SERPINA12: variants seen among roughly 807,000 people sequenced by gnomAD.
SERPINA12 encodes the protein serpin A12.
In SERPINA12, 21 loss-of-function variants were observed where a neutral mutation model predicts 25.9. The ratio of observed to expected loss-of-function variants is 0.81; its 90% CI spans 0.58 to 1.17. The LOEUF (loss-of-function observed/expected upper bound fraction) is 1.17. Among genes scored for constraint, SERPINA12 ranks in the 50% most tolerant of loss-of-function variants. The probability of loss-of-function intolerance (pLI) is 0.00; values close to 1 mark genes in which losing one functional copy is unlikely to be tolerated. For missense variants in SERPINA12, 562 were observed against 508.3 expected (o/e 1.11, Z -1.02); for synonymous variants, 220 against 196.0 (o/e 1.12, Z -1.02).
intron 1 of SERPINA12, among the ~76,000 whole-genome samples, chr14:94,498,716 C>T (rs1900581672): frequency 6.6e-6 from 1 of 152,172 alleles, no homozygotes; most frequent in South Asian, 2.1e-4. Flanking sequence ...CTCCTTCCCT[C>T]CATTGGACCA....
At chr14:94,513,705 C>T (rs748933867), upstream of SERPINA12, among the ~76,000 whole-genome samples, 4 of 152,196 alleles carry the variant, frequency 2.6e-5, no homozygotes, top group Non-Finnish European at 4.4e-5. Flanking sequence ...CTTTCATTTT[C>T]CTCCACTCTG....
Position 94,489,742 on chromosome 14 carries a change from GTCTGGGTACAGA to G in SERPINA12, c.919_930del (p.Ser307_Arg310del). 3 of 1,614,192 alleles carry G rather than the reference GTCTGGGTACAGA, an allele frequency of 1.9e-6. No homozygotes were observed. The highest frequency in any genetic ancestry group is 2.5e-6 in the Non-Finnish European group (3 of 1,180,014). On this transcript the variant is annotated inframe_deletion, in exon 4 of 5. Coordinates refer to ENST00000677451, the MANE Select transcript of SERPINA12 (RefSeq NM_001382267.1). ...AGGTCGAAGGTGCCCGTCATGTGGA[GTCTGGGTACAGA>G]CACGTCTACGACCCTGGGGAATTGA...
intron 1 of SERPINA12, among the ~76,000 whole-genome samples, chr14:94,507,507 A>G (rs1394933149): frequency 6.6e-6 from 1 of 152,218 alleles, no homozygotes; most frequent in Admixed American, 6.5e-5. Context: ...ATCGACTGAA[A>G]AAAGACAACA....
Position 94,487,481 on chromosome 14 carries a change from G to T in SERPINA12, c.1067C>A (p.Ala356Asp), listed in dbSNP as rs142812237. Reference sequence around the variant, plus strand: ...ACCCCTCTCATCCATCTTCAGCTCAGCCTTGTGCACAGCCTACGGAAGCCA... The same window carrying T: ...ACCCCTCTCATCCATCTTCAGCTCATCCTTGTGCACAGCCTACGGAAGCCA... ...SLKVGEAVHKAELKMDERGTE... is the reference protein window; with the variant it reads ...SLKVGEAVHKDELKMDERGTE... Residue 356 changes from alanine to aspartate, a missense_variant, in exon 5 of 5, where the codon GCT becomes GAT. By Grantham distance (126) the Ala-to-Asp change is moderately radical (BLOSUM62 -2). Transcript: ENST00000677451. 188 of 1,612,582 alleles carry T rather than the reference G, an allele frequency of 1.2e-4. No individual in the cohort carries two copies. Among genetic ancestry groups the T allele is most frequent in the Non-Finnish European group, 2.5e-5 (30 of 1,179,424 alleles).
intron 1 of SERPINA12, chr14:94,504,253 G>A (rs947117423): frequency 6.6e-6 from 1 of 152,232 alleles, no homozygotes; most frequent in African/African-American, 2.4e-5. Flanking sequence ...ATGGGCAGGT[G>A]ATGGAGGCTT....
At chr14:94,505,336 A>G (rs1346106074) in intron 1 of SERPINA12, among the ~76,000 whole-genome samples, 1 of 152,220 alleles carries the variant, frequency 6.6e-6, no homozygotes, top group African/African-American at 2.4e-5. Flanking sequence ...GAACAAGGAC[A>G]TGGGGATATG....
intron 2 of SERPINA12, among the ~76,000 whole-genome samples, chr14:94,514,723 G>T (rs753081408): frequency 6.6e-6 from 1 of 152,202 alleles, no homozygotes; most frequent in African/African-American, 2.4e-5. Context: ...GAAGTGCAGG[G>T]CCAGGGAATT....
At chr14:94,501,062 G>T in intron 1 of SERPINA12, 1 of 985,348 alleles carries the variant, frequency 1.0e-6, no homozygotes. Flanking sequence ...ATGAACAAGG[G>T]CTCTATGGGC....
At chr14:94,495,064 CTTTTTTTTTTTT>C (rs71129685) in intron 3 of SERPINA12, among the ~76,000 whole-genome samples, 1 of 98,224 alleles carries the variant, frequency 1.0e-5, no homozygotes, top group African/African-American at 3.6e-5. Context: ...ATTTCCCTTT[CTTTTTTTTTTTT>C]TTTTTTTTTT....
chr14:94,506,096 T>C (rs1900922334), intron 1 of SERPINA12, among the ~76,000 whole-genome samples: 1 of 152,198 alleles, frequency 6.6e-6, no homozygotes, highest in African/African-American at 2.4e-5. Flanking sequence ...GATTTGTGCC[T>C]GGTGTTCATC....
chr14:94,517,485 G>T, exon 1 of SERPINA12: 1 of 152,336 alleles, frequency 6.6e-6, no homozygotes, highest in Non-Finnish European at 1.5e-5. Flanking sequence ...CAGAGGGAGT[G>T]ATACTGATCA....
At chr14:94,493,682 A>C (rs1218800496) in intron 3 of SERPINA12, among the ~76,000 whole-genome samples, 1 of 152,156 alleles carries the variant, frequency 6.6e-6, no homozygotes, top group Admixed American at 6.5e-5. Context: ...AGCAGCTTAC[A>C]CTTGGACTTC....
intron 3 of SERPINA12, among the ~76,000 whole-genome samples, chr14:94,490,314 T>A (rs1900117262): frequency 6.6e-6 from 1 of 152,150 alleles, no homozygotes; most frequent in Non-Finnish European, 1.5e-5. Flanking sequence ...CAGCAGACAG[T>A]TGGTGCGTAG....
At chr14:94,501,795 G>A (rs967485403) in intron 1 of SERPINA12, among the ~76,000 whole-genome samples, 20 of 151,860 alleles carry the variant, frequency 1.3e-4, no homozygotes, top group African/African-American at 3.4e-4. Context: ...CCCTGAGTGC[G>A]AACATCTGGC....
rs556386192 is a variant in SERPINA12 at position 94,500,925 on chromosome 14, C to T, written c.-33-2495G>A. The T allele has an allele frequency of 5.1e-6, 5 of 983,292 alleles. No homozygotes were observed. In the East Asian group the frequency reaches 5.7e-4, roughly 112 times the overall value. 60.9% of individuals were successfully genotyped at this position (983,292 alleles called of 1,614,324 possible). On this transcript the variant is annotated intron_variant, in intron 1 of 4. Transcript: ENST00000677451. ...CTACTAAGTAGGCAGGAGTTCTGTG[C>T]TCTGCTCTCATGCCTTCGTAGCTGT...
At position 94,498,140 on chromosome 14, in the gene SERPINA12, CA is replaced by C. The variant is rs762486587; in HGVS notation, c.257del (p.Leu86ArgfsTer38). On this transcript the variant is annotated frameshift_variant, in exon 2 of 5. Transcript: ENST00000677451. LOFTEE classifies it high-confidence loss of function. ...PLSISTAFSMLCLGAQDSTLD... is the reference protein window; with the variant it reads ...PLSISTAFSMXCLGAQDSTLD... ...GGGTGCTGTCCTGGGCACCCAGGCA[CA>C]GCATGGAGAAAGCTGTAGAGATGCT... 6.2e-7 allele frequency: 1 copy of C among 1,614,152 alleles called. No homozygotes were observed. The highest frequency in any genetic ancestry group is 8.5e-7 in the Non-Finnish European group (1 of 1,180,024).
upstream of SERPINA12, among the ~76,000 whole-genome samples, chr14:94,511,932 T>C (rs544647374): frequency 2.1e-3 from 323 of 152,240 alleles, 3 homozygotes; most frequent in African/African-American, 7.5e-3. Flanking sequence ...ACCCCATCTC[T>C]ATTAAAAATA....
chr14:94,517,122 A>G (rs939984388), intron 1 of SERPINA12, among the ~76,000 whole-genome samples: 1 of 152,264 alleles, frequency 6.6e-6, no homozygotes, highest in Non-Finnish European at 1.5e-5. Flanking sequence ...GTAGTTCCAC[A>G]GCTCTCAGCA....
rs1390934768 is a variant in SERPINA12 at position 94,487,364 on chromosome 14, T to C, written c.1184A>G (p.Tyr395Cys). ...KIDKPYLLLI[Y>C]SEKIPSVLFL... ...GAGCACGGAAGGTATTTTCTCGCTG[T>C]AAATCAGCAGCAGATAGGGTTTGTC... The change falls in exon 5 of 5, where the codon TAC becomes TGC. Residue 395 changes from tyrosine (Y) to cysteine (C), a missense_variant. Tyr to Cys is a radical substitution (Grantham distance 194). Transcript: ENST00000677451. 1 of 1,614,020 alleles carries C rather than the reference T, an allele frequency of 6.2e-7. No homozygotes were observed. Among genetic ancestry groups the C allele is most frequent in the Non-Finnish European group, 8.5e-7 (1 of 1,180,010 alleles).
Sources: allele counts gnomAD v4.1 joint callset (sites outside exome capture counted in the v4.1 genomes callset), GRCh38; gene constraint gnomAD v4.1.1; transcripts MANE v1.5; gene names NCBI Gene and HGNC (gene_info 2026-07-23, HGNC 2026-07-21).